The following DLGAP1 variants were observed in gnomAD, a reference collection of about 807,000 sequenced individuals.
DLGAP1 encodes DLG associated protein 1.
DLGAP1 carries 11 observed loss-of-function variants against 90.8 expected under a neutral mutation model. The observed-to-expected ratio is 0.12, with a 90% CI of 0.08 to 0.20. DLGAP1 has a LOEUF of 0.20. DLGAP1 is among the 10% of genes least tolerant of loss of function. DLGAP1 has a pLI of 1.00. For missense variants in DLGAP1, 1,050 were observed against 1,333.8 expected (o/e 0.79, Z 3.31); for synonymous variants, 558 against 540.7 (o/e 1.03, Z -0.44).
At chr18:3,583,056 GA>G (rs1309109430) in intron 7 of DLGAP1, among the ~76,000 whole-genome samples, 5 of 151,974 alleles carry the variant, frequency 3.3e-5, no homozygotes, top group African/African-American at 1.2e-4. Context: ...TATCCTGACA[GA>G]CAGACACATA....
chr18:3,501,634 G>A (rs1422190454), intron 12 of DLGAP1, among the ~76,000 whole-genome samples: 1 of 152,082 alleles, frequency 6.6e-6, no homozygotes, highest in Admixed American at 6.6e-5. Flanking sequence ...GGTAGGTGAG[G>A]GGACCTGAAA....
chr18:4,067,271 C>G (rs778779633), intron 2 of DLGAP1, among the ~76,000 whole-genome samples: 1 of 151,652 alleles, frequency 6.6e-6, no homozygotes, highest in African/African-American at 2.4e-5. Context: ...ACAACAGACA[C>G]CCATGACACA....
At position 4,455,123 on chromosome 18, in the gene DLGAP1, G is replaced by T. The variant is rs1314031842; in HGVS notation, c.-384C>A. The T allele has an allele frequency of 6.6e-6, 1 of 151,926 alleles. No homozygotes were observed. Among genetic ancestry groups the T allele is most frequent in the Non-Finnish European group, 1.5e-5 (1 of 68,006 alleles). 9.4% of individuals were successfully genotyped at this position (151,926 alleles called of 1,614,324 possible). ...GGACCGGCTCTCAGCGAGGTGACGG[G>T]AAGGACTCGAGAGAGGAGCCGAGGC... On this transcript the variant is annotated 5_prime_UTR_variant, in exon 1 of 13. Transcript: ENST00000315677.
intron 1 of DLGAP1, among the ~76,000 whole-genome samples, chr18:4,265,208 A>G (rs903387032): frequency 7.0e-6 from 1 of 143,872 alleles, no homozygotes; most frequent in African/African-American, 2.6e-5. Flanking sequence ...TCCCTCTGTC[A>G]CCCAGGCTGG....
At position 3,653,149 on chromosome 18, in the gene DLGAP1, C is replaced by T. The variant is rs2059371509; in HGVS notation, c.1592-70901G>A. ...AGACCTAACATCTATCTCCCTGCTC[C>T]AGTTTCAAGAGAAAAGACCTTATTC... is the stretch of plus-strand genomic sequence containing the variant. On this transcript the variant is annotated intron_variant, in intron 7 of 12. Coordinates refer to ENST00000315677, the MANE Select transcript of DLGAP1 (RefSeq NM_004746.4). This position sits in a 1 kb window ranked among gnomAD's most constrained non-coding sequence, Gnocchi z 4.6. 6.6e-6 allele frequency among the ~76,000 whole-genome samples: 1 copy of T among 152,174 alleles called. No individual in the cohort carries two copies. The highest frequency in any genetic ancestry group is 2.1e-4 in the South Asian group (1 of 4,818).
At chr18:3,799,990 TA>T (rs762733216) in intron 5 of DLGAP1, among the ~76,000 whole-genome samples, 1,673 of 151,604 alleles carry the variant, frequency 0.011, 16 homozygotes, top group Non-Finnish European at 0.019. Flanking sequence ...TGCTGTAAGT[TA>T]AAAAAAAATC....
intron 1 of DLGAP1, among the ~76,000 whole-genome samples, chr18:4,438,900 CCT>C (rs1370463466): frequency 2.0e-5 from 3 of 152,068 alleles, no homozygotes; most frequent in Non-Finnish European, 2.9e-5. Flanking sequence ...CATGATGACC[CCT>C]GTCAATTGAT....
Position 4,177,351 on chromosome 18 carries a change from A to AACACACACACAC in DLGAP1, c.-266-26076_-266-26065dup, listed in dbSNP as rs34299932. Among the ~76,000 whole-genome samples the AACACACACACAC allele has an allele frequency of 2.7e-4, 38 of 141,660 alleles. No individual in the cohort carries two copies. In the South Asian group the frequency reaches 3.1e-3, roughly 11 times the overall value. The allele number at this position is 141,660 out of a possible 152,430, so 92.9% of individuals were successfully genotyped here. On this transcript the variant is annotated intron_variant, in intron 1 of 12. Transcript: ENST00000315677. ...AATACATATGCCTTGACTTTCTTTG[A>AACACACACACAC]ACACACACACACACACACACACACA...
intron 3 of DLGAP1, among the ~76,000 whole-genome samples, chr18:3,903,218 G>C (rs947031231): frequency 6.6e-5 from 10 of 152,086 alleles, no homozygotes; most frequent in African/African-American, 2.2e-4. Context: ...AAAAATCAAT[G>C]ACCTGCTTAC....
intron 1 of DLGAP1, among the ~76,000 whole-genome samples, chr18:4,348,822 A>G (rs1220810289): frequency 6.6e-6 from 1 of 152,180 alleles, no homozygotes; most frequent in Non-Finnish European, 1.5e-5. Context: ...CTCATGGAAT[A>G]AAATAAAGAA....
At chr18:4,253,638 G>A (rs8089180) in intron 1 of DLGAP1, among the ~76,000 whole-genome samples, 12,624 of 152,048 alleles carry the variant, frequency 0.083, 1,747 homozygotes, top group African/African-American at 0.29. Flanking sequence ...TTGAACTCCT[G>A]GCCTCAAGTG....
intron 7 of DLGAP1, among the ~76,000 whole-genome samples, chr18:3,618,254 T>A (rs2057953068): frequency 6.6e-6 from 1 of 152,208 alleles, no homozygotes; most frequent in South Asian, 2.1e-4. Flanking sequence ...GTCCGGCCTT[T>A]AAGGGGCTTT....
At chr18:3,674,333 C>T (rs2060217565) in intron 7 of DLGAP1, among the ~76,000 whole-genome samples, 1 of 126,576 alleles carries the variant, frequency 7.9e-6, no homozygotes, top group Non-Finnish European at 1.7e-5. Context: ...AAAAATGCTG[C>T]CATGGCCAAG....
At position 4,007,269 on chromosome 18, in the gene DLGAP1, G is replaced by A. The variant is rs142033284; in HGVS notation, c.-158-2068C>T. ...TGGAAGGGTTGAAAGGCCAAGGTCT[G>A]AAGAGTGGCTGAAGAGTGAGTGACC... On this transcript the variant is annotated intron_variant, in intron 2 of 12. Transcript: ENST00000315677. Among the ~76,000 whole-genome samples, 12 of 152,262 alleles carry A rather than the reference G, an allele frequency of 7.9e-5. No homozygotes were observed. The East Asian group carries it at 2.3e-3, about 29-fold the overall frequency.
At chr18:3,942,227 A>C (rs1016258225) in intron 3 of DLGAP1, among the ~76,000 whole-genome samples, 1 of 152,200 alleles carries the variant, frequency 6.6e-6, no homozygotes, top group Non-Finnish European at 1.5e-5. Context: ...AGGGATTTAC[A>C]TGCATGTTTC....
In DLGAP1 at chr18:3,879,607, G is replaced by T; in HGVS notation, c.462C>A (p.Ser154=). The change falls in exon 4 of 13, where the codon TCC becomes TCA. Residue 154 remains serine (S), a synonymous_variant. Transcript: ENST00000315677. This position sits in a 1 kb window ranked among gnomAD's most constrained non-coding sequence, Gnocchi z 6.6. ...SVQKLFTKSH[S]LEGPSKGSVN... ...CGCTGCCCTTGGACGGCCCCTCCAG[G>T]GAGTGCGACTTGGTGAAGAGCTTCT... 6.2e-7 allele frequency: 1 copy of T among 1,603,212 alleles called. No individual in the cohort carries two copies.
At chr18:4,077,906 C>A (rs2075548022) in intron 2 of DLGAP1, among the ~76,000 whole-genome samples, 1 of 152,122 alleles carries the variant, frequency 6.6e-6, no homozygotes, top group Non-Finnish European at 1.5e-5. Flanking sequence ...CTCAAGAGCT[C>A]TGAACCATAG....
At chr18:4,006,469 A>G (rs2074302691) in intron 2 of DLGAP1, among the ~76,000 whole-genome samples, 1 of 152,208 alleles carries the variant, frequency 6.6e-6, no homozygotes, top group East Asian at 1.9e-4. Context: ...ACGAGTATAA[A>G]GTTGTTTGTT....
chr18:4,169,941 A>G (rs1598532115), intron 1 of DLGAP1, among the ~76,000 whole-genome samples: 1 of 152,300 alleles, frequency 6.6e-6, no homozygotes, highest in East Asian at 1.9e-4. Flanking sequence ...CTTATTGTAA[A>G]ATGTGAAAAT....
Sources: gnomAD v4.1 joint callset for allele counts (sites outside exome capture counted in the v4.1 genomes callset) on GRCh38, gnomAD v4.1.1 for gene constraint, Gnocchi (gnomAD v3.1) non-coding constraint, MANE v1.5 for transcripts, NCBI Gene and HGNC (gene_info 2026-07-23, HGNC 2026-07-21) for gene names.